GPHN: variants seen among roughly 807,000 people sequenced by gnomAD.
GPHN encodes gephyrin.
GPHN carries 17 observed loss-of-function variants against 95.5 expected under a neutral mutation model. That is an observed-to-expected ratio of 0.18 (90% confidence interval 0.12 to 0.27). The LOEUF (loss-of-function observed/expected upper bound fraction) is 0.27, where lower values mean the gene tolerates loss of function less well. Among genes scored for constraint, GPHN ranks in the 10% least tolerant of loss-of-function variants. The pLI is 1.00. For synonymous variants in GPHN, 320 were observed against 322.5 expected, an observed-to-expected ratio of 0.99 and a Z score of 0.08; for missense variants, 660 against 978.1, an observed-to-expected ratio of 0.67 and a Z score of 4.34.
At chr14:67,333,620 C>T in the GPHN span, 7 of 152,624 alleles carry the variant, frequency 4.6e-5, no homozygotes, top group Admixed American at 3.9e-4. Flanking sequence ...TCAGACTCTA[C>T]ACTCAACACA....
intron 1 of GPHN, among the ~76,000 whole-genome samples, chr14:66,648,707 T>A (rs183456837): frequency 1.3e-5 from 2 of 152,274 alleles, no homozygotes; most frequent in East Asian, 1.9e-4. Flanking sequence ...TGAGAACATA[T>A]CCCTGTTGTT....
the GPHN span, among the ~76,000 whole-genome samples, chr14:67,248,883 C>T: frequency 6.6e-6 from 1 of 152,242 alleles, no homozygotes; most frequent in South Asian, 2.1e-4. Flanking sequence ...TGGTCTCGAA[C>T]TCCATGACCC....
At chr14:66,920,434 C>A (rs1161588137) in intron 6 of GPHN, among the ~76,000 whole-genome samples, 1 of 151,956 alleles carries the variant, frequency 6.6e-6, no homozygotes, top group Non-Finnish European at 1.5e-5. Context: ...GCCTCAAACT[C>A]TTGGGCTTCT....
At chr14:66,558,564 A>G (rs2060100483) in intron 1 of GPHN, among the ~76,000 whole-genome samples, 1 of 152,030 alleles carries the variant, frequency 6.6e-6, no homozygotes, top group African/African-American at 2.4e-5. Context: ...ATGTGCTCTT[A>G]GTCTTGATAT....
chr14:66,839,660 A>G (rs892168040), intron 4 of GPHN, among the ~76,000 whole-genome samples: 3 of 152,312 alleles, frequency 2.0e-5, no homozygotes, highest in Middle Eastern at 3.4e-3. Context: ...TCAAGATTAC[A>G]TTGTATAGGC....
chr14:66,866,032 G>C lies in GPHN; in HGVS notation c.295-13907G>C, dbSNP rs533657727. On this transcript the variant is annotated intron_variant, in intron 4 of 22. Transcript: ENST00000478722. ...AGTCATTTCTACCCATTCTGACCAG[G>C]TAATTAAGTGTGGTTGGTGCCAGTA... is the stretch of plus-strand genomic sequence containing the variant. Among the ~76,000 whole-genome samples, 51 of 152,180 alleles carry C rather than the reference G, an allele frequency of 3.4e-4. 1 individual carries two copies. The South Asian group carries it at 0.011, about 32-fold the overall frequency.
the GPHN span, among the ~76,000 whole-genome samples, chr14:67,450,667 T>G: frequency 6.6e-6 from 1 of 152,200 alleles, no homozygotes; most frequent in Non-Finnish European, 1.5e-5. Context: ...AACTTCTAAG[T>G]AGCAAAGCAT....
intron 10 of GPHN, among the ~76,000 whole-genome samples, chr14:67,055,970 C>T (rs1207237671): frequency 6.6e-6 from 1 of 152,190 alleles, no homozygotes; most frequent in African/African-American, 2.4e-5. Context: ...GTCTTGCTGG[C>T]TTCAGGAGTG....
chr14:66,761,887 C>G (rs2058770485), intron 2 of GPHN, among the ~76,000 whole-genome samples: 1 of 152,086 alleles, frequency 6.6e-6, no homozygotes, highest in Non-Finnish European at 1.5e-5. Flanking sequence ...GTCTTGATCT[C>G]CTGACCTCGT....
chr14:67,066,944 G>C (rs1354162869), intron 11 of GPHN, among the ~76,000 whole-genome samples: 1 of 152,206 alleles, frequency 6.6e-6, no homozygotes, highest in Non-Finnish European at 1.5e-5. Context: ...ACTTGTCAAA[G>C]ACATTCTCCA....
chr14:67,402,104 A>C, the GPHN span, among the ~76,000 whole-genome samples: 2 of 152,366 alleles, frequency 1.3e-5, no homozygotes, highest in South Asian at 4.1e-4. Context: ...ACTGCACTCC[A>C]GCCTGGGTGA....
intron 2 of GPHN, among the ~76,000 whole-genome samples, chr14:66,707,064 AAAC>A (rs1306020398): frequency 4.6e-5 from 7 of 152,014 alleles, no homozygotes; most frequent in South Asian, 4.1e-4. Context: ...AAAAAAAAAA[AAAC>A]AACATCACTG....
the GPHN span, chr14:67,695,962 G>T: frequency 2.1e-6 from 1 of 484,128 alleles, no homozygotes; most frequent in Admixed American, 3.7e-5. Flanking sequence ...CCAGCTCTCA[G>T]TTATTTTTTC....
the GPHN span, among the ~76,000 whole-genome samples, chr14:67,265,399 TAAAC>T: frequency 6.6e-6 from 1 of 151,168 alleles, no homozygotes; most frequent in African/African-American, 2.4e-5. Flanking sequence ...TCTAAGAAAA[TAAAC>T]AAAAAGTAGC....
At chr14:67,052,022 G>A (rs527543724) in intron 10 of GPHN, among the ~76,000 whole-genome samples, 23 of 152,262 alleles carry the variant, frequency 1.5e-4, no homozygotes, top group African/African-American at 4.8e-4. Flanking sequence ...AAAGTACACA[G>A]ACCAATGACG....
chr14:67,429,230 A>ATTT, the GPHN span, among the ~76,000 whole-genome samples: 14 of 134,618 alleles, frequency 1.0e-4, no homozygotes, highest in South Asian at 9.6e-4. Context: ...CAAGTGGACA[A>ATTT]TTTTTTTTTT....
At chr14:67,442,328 G>C in the GPHN span, among the ~76,000 whole-genome samples, 1 of 152,288 alleles carries the variant, frequency 6.6e-6, no homozygotes, top group East Asian at 1.9e-4. Flanking sequence ...CGTTGGTTCA[G>C]TGGGTTGGCC....
At chr14:67,342,638 ATGAGGTAAC>A in the GPHN span, among the ~76,000 whole-genome samples, 1 of 151,256 alleles carries the variant, frequency 6.6e-6, no homozygotes, top group Non-Finnish European at 1.5e-5. Flanking sequence ...TTTTTAAAAA[ATGAGGTAAC>A]TTTCTCACTA....
intron 9 of GPHN, among the ~76,000 whole-genome samples, chr14:66,998,828 C>T (rs969490637): frequency 6.6e-6 from 1 of 150,488 alleles, no homozygotes; most frequent in African/African-American, 2.4e-5. Flanking sequence ...CCTCAGCTGG[C>T]TGATACTATT....
Sources: allele counts gnomAD v4.1 joint callset (sites outside exome capture counted in the v4.1 genomes callset), GRCh38; gene constraint gnomAD v4.1.1; transcripts MANE v1.5; gene names NCBI Gene and HGNC (gene_info 2026-07-23, HGNC 2026-07-21).